B3GALT1: variants seen among roughly 807,000 people sequenced by gnomAD.
The protein encoded by B3GALT1 is UDP-Gal:betaGlcNAc beta 1,3-galactosyltransferase, polypeptide 1.
Under a neutral mutation model 23.2 loss-of-function variants are expected in B3GALT1, and 10 were observed. That is an observed-to-expected ratio of 0.43 (90% CI 0.27 to 0.73). The LOEUF (loss-of-function observed/expected upper bound fraction) is 0.73, where lower values mean the gene tolerates loss of function less well. Ranked by LOEUF, B3GALT1 falls within the 30% of genes least tolerant of loss-of-function variation. The pLI is 0.21. For missense variants in B3GALT1, 299 were observed against 405.4 expected (o/e 0.74, Z 2.25); for synonymous variants, 156 against 141.5 (o/e 1.10, Z -0.73).
chr2:167,352,988 A>G (rs1697341339), intron 1 of B3GALT1, among the ~76,000 whole-genome samples: 1 of 152,214 alleles, frequency 6.6e-6, no homozygotes, highest in African/African-American at 2.4e-5. Flanking sequence ...TTGATAATAT[A>G]TGTTTAAAAC....
rs1291762122 is a variant in B3GALT1 at position 167,758,914 on chromosome 2, T to C, written c.-351-59758T>C. Among the ~76,000 whole-genome samples, 7 of 152,214 alleles carry C rather than the reference T, an allele frequency of 4.6e-5. No homozygotes were observed. In the East Asian group the frequency reaches 1.4e-3, roughly 29 times the overall value. ...GCCCAGTGTGTTTCTGGGTACTCTG[T>C]ATGGAAAGAAGCTTTCGTGATGGTA... is the stretch of plus-strand genomic sequence containing the variant. On this transcript the variant is annotated intron_variant, in intron 3 of 4. Transcript: ENST00000392690.
intron 3 of B3GALT1, among the ~76,000 whole-genome samples, chr2:167,740,580 G>A (rs1687563944): frequency 2.6e-5 from 4 of 151,988 alleles, no homozygotes; most frequent in Admixed American, 2.0e-4. Context: ...ATGCATTATA[G>A]GAATGGCCCA....
chr2:167,417,087 A>G (rs189281377), intron 1 of B3GALT1, among the ~76,000 whole-genome samples: 1 of 152,200 alleles, frequency 6.6e-6, no homozygotes, highest in Admixed American at 6.5e-5. Context: ...AAGGACATGC[A>G]TTTTGGGAGG....
intron 3 of B3GALT1, among the ~76,000 whole-genome samples, chr2:167,766,613 T>G (rs1027028052): frequency 6.6e-6 from 1 of 152,148 alleles, no homozygotes; most frequent in African/African-American, 2.4e-5. Context: ...TTTTTAAGAT[T>G]GGGAAACAAA....
chr2:167,562,967 C>T (rs990906140), intron 2 of B3GALT1, among the ~76,000 whole-genome samples: 2 of 152,236 alleles, frequency 1.3e-5, no homozygotes, highest in Non-Finnish European at 2.9e-5. Flanking sequence ...GGGTTGGGGG[C>T]AAGGTCACCG....
chr2:167,435,462 A>G (rs980722991), intron 1 of B3GALT1, among the ~76,000 whole-genome samples: 77 of 138,066 alleles, frequency 5.6e-4, no homozygotes, highest in Admixed American at 9.4e-4. Flanking sequence ...AAAAAAAAAA[A>G]GCAGAGAAAT....
intron 2 of B3GALT1, among the ~76,000 whole-genome samples, chr2:167,502,459 T>C (rs1699861035): frequency 6.6e-6 from 1 of 152,212 alleles, no homozygotes; most frequent in South Asian, 2.1e-4. Flanking sequence ...AAGAACTACC[T>C]GAAACTTATA....
At chr2:167,784,697 A>G (rs1053375053) in intron 3 of B3GALT1, among the ~76,000 whole-genome samples, 14 of 152,198 alleles carry the variant, frequency 9.2e-5, no homozygotes, top group African/African-American at 1.7e-4. Context: ...AAAATGATGA[A>G]TATCTGGACT....
chr2:167,822,098 T>G (rs1689119231), intron 4 of B3GALT1, among the ~76,000 whole-genome samples: 1 of 152,122 alleles, frequency 6.6e-6, no homozygotes, highest in African/African-American at 2.4e-5. Flanking sequence ...GGAAGAGGTC[T>G]TCTCCCTCTA....
intron 1 of B3GALT1, among the ~76,000 whole-genome samples, chr2:167,325,871 C>T (rs956476739): frequency 1.3e-5 from 2 of 151,920 alleles, no homozygotes; most frequent in Admixed American, 6.6e-5. Context: ...ACGTTTGCCA[C>T]CACACCTGGC....
chr2:167,477,665 C>T (rs1559108967), intron 1 of B3GALT1, among the ~76,000 whole-genome samples: 1 of 152,154 alleles, frequency 6.6e-6, no homozygotes, highest in Non-Finnish European at 1.5e-5. Context: ...GAGTACATTA[C>T]CAATTCTGCT....
At chr2:167,293,678 A>G (rs989040650) in intron 1 of B3GALT1, among the ~76,000 whole-genome samples, 4 of 152,102 alleles carry the variant, frequency 2.6e-5, no homozygotes, top group African/African-American at 9.6e-5. Context: ...TGGAGTGAGT[A>G]GGATGCTGTT....
chr2:167,368,511 C>G (rs1473107004), intron 1 of B3GALT1, among the ~76,000 whole-genome samples: 1 of 152,126 alleles, frequency 6.6e-6, no homozygotes, highest in Non-Finnish European at 1.5e-5. Context: ...CTGCTATGAT[C>G]ACTTCATGGT....
chr2:167,363,918 G>C (rs1446012242), intron 1 of B3GALT1, among the ~76,000 whole-genome samples: 1 of 152,040 alleles, frequency 6.6e-6, no homozygotes, highest in East Asian at 1.9e-4. Flanking sequence ...CAGCACTTTG[G>C]GAGGCTGAGG....
intron 4 of B3GALT1, among the ~76,000 whole-genome samples, chr2:167,861,645 G>C (rs531487631): frequency 6.6e-6 from 1 of 152,310 alleles, no homozygotes; most frequent in East Asian, 1.9e-4. Flanking sequence ...TCCTTAGAGA[G>C]TGACTAATTT....
At chr2:167,744,995 T>A (rs1687631562) in intron 3 of B3GALT1, among the ~76,000 whole-genome samples, 1 of 152,238 alleles carries the variant, frequency 6.6e-6, no homozygotes, top group Non-Finnish European at 1.5e-5. Context: ...TTATTTTAAT[T>A]GCTAATATAC....
rs1698593006 is a variant in B3GALT1, at chr2:167,424,440, GAAATGCCACCTGCTA to G, written c.-510-65728_-510-65714del. On this transcript the variant is annotated intron_variant, in intron 1 of 4. Coordinates refer to ENST00000392690, the MANE Select transcript of B3GALT1 (RefSeq NM_020981.4). Reference sequence around the variant, plus strand: ...AGATGCTGGGACTTCATTGATCACTGAAATGCCACCTGCTAAAATGCCAGAAGGAAGACATAATTA... The same window carrying G: ...AGATGCTGGGACTTCATTGATCACTGAAATGCCAGAAGGAAGACATAATTA... Among the ~76,000 whole-genome samples, 3 of 152,258 alleles carry G rather than the reference GAAATGCCACCTGCTA, an allele frequency of 2.0e-5. No homozygotes were observed. The South Asian group carries it at 6.2e-4, about 32-fold the overall frequency.
rs1559010811 is a variant in B3GALT1, at chr2:167,871,438, G to T, written c.*1418G>T. The T allele has an allele frequency of 6.6e-6, 1 of 152,130 alleles. No individual in the cohort carries two copies. Among genetic ancestry groups the T allele is most frequent in the South Asian group, 2.1e-4 (1 of 4,818 alleles). The allele number at this position is 152,130 out of a possible 1,614,324, so 9.4% of individuals were successfully genotyped here. On this transcript the variant is annotated 3_prime_UTR_variant, in exon 5 of 5. Transcript: ENST00000392690. ...ATAAAATCTGCTGAAATAAAGATCAGCTGTGAACTATCACTGCACCTAATT... is the reference window on the plus strand; with the variant it reads ...ATAAAATCTGCTGAAATAAAGATCATCTGTGAACTATCACTGCACCTAATT...
chr2:167,776,343 C>T (rs372211024), intron 3 of B3GALT1, among the ~76,000 whole-genome samples: 7 of 152,212 alleles, frequency 4.6e-5, no homozygotes, highest in East Asian at 1.9e-4. Context: ...GAGGAAAAAC[C>T]GTGACCTTAG....
Sources: allele counts gnomAD v4.1 joint callset (sites outside exome capture counted in the v4.1 genomes callset), GRCh38; gene constraint gnomAD v4.1.1; transcripts MANE v1.5; gene names NCBI Gene and HGNC (gene_info 2026-07-23, HGNC 2026-07-21).